Variants in HMBOX1 observed in about 807,000 individuals in gnomAD.
The protein encoded by HMBOX1 is homeobox-containing protein 1.
A neutral mutation model predicts 54.5 loss-of-function variants in HMBOX1; 14 were observed. The ratio of observed to expected loss-of-function variants is 0.26; its 90% CI spans 0.17 to 0.40. HMBOX1 has a LOEUF of 0.40. Ranked by LOEUF, HMBOX1 falls within the 10% of genes least tolerant of loss-of-function variation. The pLI, the probability that HMBOX1 is intolerant of heterozygous loss-of-function variation, is 1.00. For synonymous variants in HMBOX1, 160 were observed against 181.0 expected (o/e 0.88, Z 0.93); for missense variants, 332 against 514.4 (o/e 0.65, Z 3.43).
At chr8:28,901,049 A>C (rs1417648939) in intron 1 of HMBOX1, among the ~76,000 whole-genome samples, 1 of 152,190 alleles carries the variant, frequency 6.6e-6, no homozygotes, top group Non-Finnish European at 1.5e-5. Context: ...TAGATAAATA[A>C]TACTATTTAT....
At chr8:28,946,200 G>T (rs1038932926) in intron 1 of HMBOX1, among the ~76,000 whole-genome samples, 2 of 151,044 alleles carry the variant, frequency 1.3e-5, no homozygotes, top group East Asian at 4.0e-4. Context: ...TGATCCACCC[G>T]CCTCGGCTTC....
rs570983998 is a variant in HMBOX1 at position 28,980,812 on chromosome 8, A to G, written c.586+656A>G. ...TTCCTTTCTTAGATTTCAGTGATTT[A>G]TAAGACCCTTAAAAAAAGTAACTGG... On this transcript the variant is annotated intron_variant, in intron 4 of 9. Transcript: ENST00000287701. 1.0e-3 allele frequency among the ~76,000 whole-genome samples: 155 copies of G among 152,156 alleles called. 1 individual carries two copies. Among genetic ancestry groups the G allele is most frequent in the South Asian group, 6.2e-4 (3 of 4,838 alleles).
At chr8:29,003,982 A>G (rs1586414778) in intron 4 of HMBOX1, among the ~76,000 whole-genome samples, 1 of 152,192 alleles carries the variant, frequency 6.6e-6, no homozygotes, top group South Asian at 2.1e-4. Flanking sequence ...TGAGATTCCA[A>G]ACTTCTGGAA....
intron 1 of HMBOX1, among the ~76,000 whole-genome samples, chr8:28,902,057 C>T (rs1424264262): frequency 1.3e-5 from 2 of 152,104 alleles, no homozygotes. Context: ...TTTGTATTTA[C>T]TTGTAAGGTA....
At chr8:29,022,278 C>T (rs1203388932) in intron 6 of HMBOX1, among the ~76,000 whole-genome samples, 1 of 151,810 alleles carries the variant, frequency 6.6e-6, no homozygotes, top group Non-Finnish European at 1.5e-5. Flanking sequence ...ATTAGCAAGG[C>T]GTGGTAGGGC....
At chr8:28,926,187 A>T (rs1015800407) in intron 1 of HMBOX1, among the ~76,000 whole-genome samples, 4 of 152,056 alleles carry the variant, frequency 2.6e-5, no homozygotes, top group African/African-American at 9.7e-5. Flanking sequence ...CTGTAGTCCC[A>T]GCTACTCAGG....
intron 6 of HMBOX1, among the ~76,000 whole-genome samples, chr8:29,033,555 T>G (rs1342871611): frequency 6.6e-6 from 1 of 152,218 alleles, no homozygotes; most frequent in African/African-American, 2.4e-5. Flanking sequence ...ATTGGCAAAT[T>G]ATACTTCCTG....
chr8:29,007,803 T>C (rs1344548977), intron 4 of HMBOX1, among the ~76,000 whole-genome samples: 3 of 152,048 alleles, frequency 2.0e-5, no homozygotes, highest in Admixed American at 2.0e-4. Flanking sequence ...GTGAGAACCT[T>C]TCTCAAAAAA....
At chr8:28,992,747 G>T (rs927771021) in intron 4 of HMBOX1, among the ~76,000 whole-genome samples, 1 of 151,552 alleles carries the variant, frequency 6.6e-6, no homozygotes, top group Admixed American at 6.6e-5. Context: ...GTATGTGCCT[G>T]TAATCCCAGC....
At chr8:28,963,657 G>A (rs1692658736) in intron 1 of HMBOX1, among the ~76,000 whole-genome samples, 154 bp from the exon 2 acceptor site, 1 of 152,144 alleles carries the variant, frequency 6.6e-6, no homozygotes, top group Admixed American at 6.5e-5. Context: ...CAAAGTGTAT[G>A]GTGAATAAAG....
At chr8:28,963,722 T>G (rs1825978730) in intron 1 of HMBOX1, 89 bp from the exon 2 acceptor site, 1 of 562,864 alleles carries the variant, frequency 1.8e-6, no homozygotes, top group Non-Finnish European at 3.2e-6. Flanking sequence ...TAGTGTTAAC[T>G]CTTGCTGTCC....
At chr8:29,030,296 C>A (rs776421799) in intron 6 of HMBOX1, among the ~76,000 whole-genome samples, 1 of 151,738 alleles carries the variant, frequency 6.6e-6, no homozygotes, top group African/African-American at 2.4e-5. Context: ...CAGCTCACTG[C>A]AACATCCGCC....
At chr8:29,014,926 C>T (rs183583759) in intron 5 of HMBOX1, among the ~76,000 whole-genome samples, 23 of 152,262 alleles carry the variant, frequency 1.5e-4, no homozygotes, top group African/African-American at 4.8e-4. Flanking sequence ...GTGTTCCGCC[C>T]GCCTCAGCCT....
At chr8:29,019,289 A>G (rs1800806980) in intron 6 of HMBOX1, among the ~76,000 whole-genome samples, 1 of 152,216 alleles carries the variant, frequency 6.6e-6, no homozygotes. Flanking sequence ...CTTTCCTTTA[A>G]TAAGGAGTAT....
intron 4 of HMBOX1, among the ~76,000 whole-genome samples, chr8:28,983,530 A>T (rs189380702): frequency 2.6e-5 from 4 of 152,168 alleles, no homozygotes; most frequent in Admixed American, 2.0e-4. Context: ...AATTACACTT[A>T]GTTCATCACC....
chr8:29,024,225 A>G (rs1189951243), intron 6 of HMBOX1, among the ~76,000 whole-genome samples: 1 of 152,240 alleles, frequency 6.6e-6, no homozygotes, highest in African/African-American at 2.4e-5. Context: ...GCATGTAGAG[A>G]AAAGAGGAAA....
At chr8:29,050,756 T>C (rs1806330806) in intron 9 of HMBOX1, 2 of 448,874 alleles carry the variant, frequency 4.5e-6, no homozygotes, top group South Asian at 2.9e-5. Flanking sequence ...AGCAATCTTA[T>C]TAATAGAATG....
intron 1 of HMBOX1, among the ~76,000 whole-genome samples, chr8:28,962,636 TG>T (rs1263553798): frequency 1.3e-5 from 2 of 152,138 alleles, no homozygotes; most frequent in African/African-American, 4.8e-5. Context: ...TCCCTCTTCC[TG>T]GAATCTTTCC....
intron 1 of HMBOX1, among the ~76,000 whole-genome samples, chr8:28,925,622 G>T (rs1818313941): frequency 8.2e-6 from 1 of 121,480 alleles, no homozygotes; most frequent in African/African-American, 3.3e-5. Flanking sequence ...TCAGCCTTGA[G>T]GTTTTGACCC....
Sources: gnomAD v4.1 joint callset for allele counts (sites outside exome capture counted in the v4.1 genomes callset) on GRCh38, gnomAD v4.1.1 for gene constraint, MANE v1.5 for transcripts, NCBI Gene and HGNC (gene_info 2026-07-23, HGNC 2026-07-21) for gene names.